FMN1: variants seen among roughly 807,000 people sequenced by gnomAD.
FMN1 encodes formin 1.
In FMN1, 110 loss-of-function variants were observed where a neutral mutation model predicts 132.4. The observed-to-expected ratio is 0.83, with a 90% CI of 0.71 to 0.97. The LOEUF is 0.97. Ranked by LOEUF, FMN1 falls within the 50% of genes least tolerant of loss-of-function variation. The probability of loss-of-function intolerance (pLI) is 0.00; values close to 1 mark genes in which losing one functional copy is unlikely to be tolerated. For synonymous variants in FMN1, 722 were observed against 651.7 expected (o/e 1.11, Z -1.64); for missense variants, 1,792 against 1,705.3 (o/e 1.05, Z -0.90).
At chr15:33,102,203 G>A (rs190051154) in intron 4 of FMN1, among the ~76,000 whole-genome samples, 7 of 152,130 alleles carry the variant, frequency 4.6e-5, no homozygotes, top group Admixed American at 1.3e-4. Flanking sequence ...CCTATATCAG[G>A]ACCTGTGTCT....
chr15:33,153,601 T>C lies in FMN1; in HGVS notation c.1314A>G (p.Arg438=). The change falls in exon 4 of 21, where the codon AGA becomes AGG. Residue 438 remains arginine (R), a synonymous_variant. Coordinates refer to ENST00000616417, the MANE Select transcript of FMN1 (RefSeq NM_001277313.2). The stretch of plus-strand genomic sequence containing the variant: ...CACTCGTGTGGACAGGGAAGCCCAG[T>C]CTTTTCCCCTCAGGGGCTTCATCTA... The part of the protein sequence containing the change: ...EKLDEAPEGK[R]LGFPVHTSVP... 1 of 1,536,190 alleles carries C rather than the reference T, an allele frequency of 6.5e-7. No homozygotes were observed. The highest frequency in any genetic ancestry group is 1.2e-5 in the South Asian group (1 of 84,058).
chr15:32,815,646 G>A (rs12910660), intron 17 of FMN1, among the ~76,000 whole-genome samples: 4,350 of 152,270 alleles, frequency 0.029, 76 homozygotes, highest in Non-Finnish European at 0.04. Flanking sequence ...TCCAATAACG[G>A]AATCACGTAC....
At chr15:32,807,174 G>C (rs1055761012) in intron 17 of FMN1, among the ~76,000 whole-genome samples, 1 of 152,222 alleles carries the variant, frequency 6.6e-6, no homozygotes, top group African/African-American at 2.4e-5. Flanking sequence ...ATAAGCTAAA[G>C]AAGATTGAGA....
intron 16 of FMN1, among the ~76,000 whole-genome samples, chr15:32,869,713 CAGAG>C (rs2059471239): frequency 6.6e-6 from 1 of 152,030 alleles, no homozygotes; most frequent in African/African-American, 2.4e-5. Flanking sequence ...CAGCAATGAA[CAGAG>C]AAGAGCTGGT....
chr15:32,799,574 C>G (rs1408090240), intron 18 of FMN1, among the ~76,000 whole-genome samples: 1 of 152,116 alleles, frequency 6.6e-6, no homozygotes, highest in Non-Finnish European at 1.5e-5. Flanking sequence ...CACTGATGTA[C>G]AAAAACAGAT....
At chr15:33,035,388 C>G (rs1320909006) in intron 6 of FMN1, among the ~76,000 whole-genome samples, 2 of 152,114 alleles carry the variant, frequency 1.3e-5, no homozygotes, top group African/African-American at 4.8e-5. Flanking sequence ...CGATAGACCC[C>G]TGAATTCTGT....
chr15:33,062,446 C>G (rs770189530), intron 6 of FMN1, among the ~76,000 whole-genome samples: 7 of 151,986 alleles, frequency 4.6e-5, no homozygotes, highest in African/African-American at 1.7e-4. Flanking sequence ...ACGGTGAAAC[C>G]CCGTCTCTAC....
chr15:32,898,782 A>G, intron 15 of FMN1, 52 bp downstream of exon 15: 2 of 1,158,340 alleles, frequency 1.7e-6, no homozygotes, highest in Non-Finnish European at 2.6e-6. Context: ...CAACTTATGA[A>G]TGTCAACAAT....
chr15:32,823,152 GTTTTTTTTTT>G (rs373185751), intron 17 of FMN1, among the ~76,000 whole-genome samples: 16 of 86,232 alleles, frequency 1.9e-4, no homozygotes, highest in Admixed American at 5.6e-4. Flanking sequence ...AGTTTCTACT[GTTTTTTTTTT>G]TTTTTTTTTT....
chr15:32,938,913 T>C (rs1363935452), intron 9 of FMN1, among the ~76,000 whole-genome samples: 1 of 152,178 alleles, frequency 6.6e-6, no homozygotes, highest in Non-Finnish European at 1.5e-5. Context: ...GCTGGTACAA[T>C]ACAAATACAC....
intron 10 of FMN1, among the ~76,000 whole-genome samples, chr15:32,922,835 G>A (rs913706850): frequency 1.3e-5 from 2 of 152,150 alleles, no homozygotes; most frequent in African/African-American, 4.8e-5. Flanking sequence ...CTCTAAACCT[G>A]TTTATGCCTG....
In FMN1 at chr15:32,908,532, G is replaced by A; in HGVS notation, c.3335C>T (p.Thr1112Ile). 1 of 1,599,672 alleles carries A rather than the reference G, an allele frequency of 6.3e-7. No homozygotes were observed. The change falls in exon 12 of 21, where the codon ACA (threonine) becomes ATA (isoleucine). Residue 1112 changes from threonine to isoleucine, a missense_variant. Thr to Ile is a moderately conservative substitution (Grantham distance 89). Around this residue, in one of 3 missense-constraint regions of FMN1, gnomAD observed 1,150 missense variants for 1,043.1 expected, o/e 1.10. Coordinates refer to ENST00000616417, the MANE Select transcript of FMN1 (RefSeq NM_001277313.2). ...CAGCTTCAGTTCTTCTTCTTTGGATGTCTCGTAATACTTTCTTATTTTAAC... is the reference window on the plus strand; with the variant it reads ...CAGCTTCAGTTCTTCTTCTTTGGATATCTCGTAATACTTTCTTATTTTAAC... ...ELVKIRKYYE[T>I]SKEEELKLLD...
intron 6 of FMN1, among the ~76,000 whole-genome samples, chr15:33,037,864 CTT>C (rs2036257846): frequency 6.6e-6 from 1 of 152,178 alleles, no homozygotes; most frequent in Non-Finnish European, 1.5e-5. Context: ...ACATCCAAAA[CTT>C]TTAATTTTCA....
chr15:32,855,015 C>T (rs1413016934), intron 17 of FMN1, among the ~76,000 whole-genome samples: 2 of 151,346 alleles, frequency 1.3e-5, no homozygotes, highest in Admixed American at 6.6e-5. Flanking sequence ...TAGGAGTATA[C>T]AATTAATCTT....
In FMN1 at chr15:33,154,879, C is replaced by T; in HGVS notation, c.36G>A (p.Lys12=). The stretch of plus-strand genomic sequence containing the variant: ...TGATGTAGCAGAGTTCCGTAATGGG[C>T]TTATGCAATTGGAGGGTACAATGAG... ...EGTHCTLQLH[K]PITELCYISF... The change falls in exon 4 of 21, where the codon AAG becomes AAA. Residue 12 remains lysine, a synonymous_variant. Transcript: ENST00000616417. 6.5e-7 allele frequency: 1 copy of T among 1,535,974 alleles called. No individual in the cohort carries two copies. Among genetic ancestry groups the T allele is most frequent in the Non-Finnish European group, 8.7e-7 (1 of 1,146,782 alleles).
chr15:33,004,085 A>AT (rs1297419798), intron 7 of FMN1, among the ~76,000 whole-genome samples: 3 of 152,202 alleles, frequency 2.0e-5, no homozygotes, highest in Non-Finnish European at 4.4e-5. Flanking sequence ...TAAAACCATA[A>AT]AAACCCTAGA....
intron 18 of FMN1, among the ~76,000 whole-genome samples, chr15:32,801,987 G>C (rs565848341): frequency 6.6e-6 from 1 of 152,278 alleles, no homozygotes; most frequent in Admixed American, 6.5e-5. Flanking sequence ...AAAATCTTTT[G>C]CAATTTGGAC....
intron 6 of FMN1, among the ~76,000 whole-genome samples, chr15:33,028,366 A>G (rs944730206): frequency 6.6e-6 from 1 of 152,192 alleles, no homozygotes; most frequent in Non-Finnish European, 1.5e-5. Flanking sequence ...ATCCAAGTTG[A>G]TAAGGCCACA....
At chr15:33,127,206 T>TATAATCTCAAGAAAAATCAACTGGTCGG in intron 4 of FMN1, among the ~76,000 whole-genome samples, 1 of 152,122 alleles carries the variant, frequency 6.6e-6, no homozygotes, top group Non-Finnish European at 1.5e-5. Flanking sequence ...TCCTCAAAAA[T>TATAATCTCAAGAAAAATCAACTGGTCGG]ATAATCTCAA....
Sources: gnomAD v4.1 joint callset for allele counts (sites outside exome capture counted in the v4.1 genomes callset) on GRCh38, gnomAD v4.1.1 for gene constraint, gnomAD v4.1.1 regional missense constraint, MANE v1.5 for transcripts, NCBI Gene and HGNC (gene_info 2026-07-23, HGNC 2026-07-21) for gene names.